Variants in LMBRD1 observed in about 807,000 individuals in gnomAD.
LMBRD1 encodes the protein lysosomal cobalamin transport escort protein LMBD1.
In LMBRD1, 64 loss-of-function variants were observed where a neutral mutation model predicts 74.8. The ratio of observed to expected loss-of-function variants is 0.86; its 90% CI spans 0.70 to 1.05. The LOEUF (loss-of-function observed/expected upper bound fraction) is 1.05. Ranked by LOEUF, LMBRD1 falls within the 50% of genes least tolerant of loss-of-function variation. LMBRD1 has a pLI of 0.00. For missense variants in LMBRD1, 652 were observed against 645.9 expected (o/e 1.01, Z -0.10); for synonymous variants, 204 against 216.3 (o/e 0.94, Z 0.50).
chr6:69,684,465 A>G (rs1765722171), intron 14 of LMBRD1, among the ~76,000 whole-genome samples: 1 of 152,066 alleles, frequency 6.6e-6, no homozygotes, highest in Non-Finnish European at 1.5e-5. Context: ...GTTAAAATGA[A>G]AGTAGGAGAT....
chr6:69,762,115 A>G (rs760138227), intron 3 of LMBRD1, among the ~76,000 whole-genome samples: 2 of 152,226 alleles, frequency 1.3e-5, no homozygotes, highest in Non-Finnish European at 2.9e-5. Flanking sequence ...ATTGCTGAAT[A>G]TATTAATATA....
chr6:69,697,525 C>T, intron 14 of LMBRD1, 38 bp downstream of exon 14: 1 of 1,337,988 alleles, frequency 7.5e-7, no homozygotes, highest in Non-Finnish European at 1.1e-6. Context: ...AAATTCTTTT[C>T]CTAAAAAGTT....
At chr6:69,743,833 A>G (rs1767159918) in intron 5 of LMBRD1, among the ~76,000 whole-genome samples, 1 of 152,210 alleles carries the variant, frequency 6.6e-6, no homozygotes, top group African/African-American at 2.4e-5. Context: ...TCCTCTTTCA[A>G]TGGAGCTGAG....
chr6:69,766,155 TTTA>T (rs1765471312), intron 3 of LMBRD1, among the ~76,000 whole-genome samples: 1 of 151,762 alleles, frequency 6.6e-6, no homozygotes, highest in Non-Finnish European at 1.5e-5. Flanking sequence ...TAATTATTTA[TTTA>T]TTTATTTAGA....
chr6:69,777,630 T>G (rs1302179643), intron 3 of LMBRD1, among the ~76,000 whole-genome samples: 1 of 151,262 alleles, frequency 6.6e-6, no homozygotes, highest in Non-Finnish European at 1.5e-5. Flanking sequence ...GACAAACTGA[T>G]CTTCAACATC....
chr6:69,726,087 C>T (rs141888288), intron 7 of LMBRD1, among the ~76,000 whole-genome samples: 69 of 152,272 alleles, frequency 4.5e-4, no homozygotes, highest in African/African-American at 1.5e-3. Flanking sequence ...TTGGTATAAA[C>T]ATTTCTTAAA....
intron 6 of LMBRD1, among the ~76,000 whole-genome samples, chr6:69,739,350 T>G (rs1767047154): frequency 6.6e-6 from 1 of 152,192 alleles, no homozygotes; most frequent in Non-Finnish European, 1.5e-5. Context: ...AAATGTGTGC[T>G]GAAGATACCT....
chr6:69,760,534 C>T (rs2149882184), intron 3 of LMBRD1, among the ~76,000 whole-genome samples: 1 of 152,240 alleles, frequency 6.6e-6, no homozygotes, highest in East Asian at 1.9e-4. Context: ...GTCTGCTAAG[C>T]ATAAAAGCAT....
chr6:69,796,885 C>T lies in LMBRD1; in HGVS notation c.-4G>A, dbSNP rs996753051. The T allele has an allele frequency of 6.2e-7, 1 of 1,613,670 alleles. No homozygotes were observed. Among genetic ancestry groups the T allele is most frequent in the Non-Finnish European group, 8.5e-7 (1 of 1,179,924 alleles). On this transcript the variant is annotated 5_prime_UTR_variant, in exon 1 of 16. Transcript: ENST00000649934. ...AGGCCGCGCCAGAAGTCGCCATCTT[C>T]GCTTCCGGTCCAGACCAACCTGAGC...
At chr6:69,713,839 C>G (rs1178838577) in intron 8 of LMBRD1, 42 bp from the exon 9 acceptor site, 1 of 1,607,724 alleles carries the variant, frequency 6.2e-7, no homozygotes, top group African/African-American at 1.3e-5. Flanking sequence ...CCATTAACAT[C>G]TTAATAAAGT....
Position 69,691,712 on chromosome 6 carries a change from TA to T in LMBRD1, c.1417+5850del, listed in dbSNP as rs1215972197. ...TAACACGGTGAAACCCTGTCTCTAC[TA>T]AAAATACAAAAAATTAGCTGGGCGT... On this transcript the variant is annotated intron_variant, in intron 14 of 15. Coordinates refer to ENST00000649934, the MANE Select transcript of LMBRD1 (RefSeq NM_018368.4). 1.2e-4 allele frequency among the ~76,000 whole-genome samples: 18 copies of T among 151,820 alleles called. 2 individuals are homozygous for T. Among genetic ancestry groups the T allele is most frequent in the Admixed American group, 6.6e-4 (10 of 15,254 alleles).
At chr6:69,737,887 G>A in intron 7 of LMBRD1, 55 bp downstream of exon 7, 1 of 1,094,350 alleles carries the variant, frequency 9.1e-7, no homozygotes, top group Non-Finnish European at 1.4e-6. Context: ...AATTACTAAG[G>A]TAAAAAAATT....
intron 8 of LMBRD1, 117 bp from the exon 9 acceptor site, chr6:69,713,914 T>C: frequency 9.2e-7 from 1 of 1,088,886 alleles, no homozygotes; most frequent in Non-Finnish European, 1.3e-6. Flanking sequence ...TAGGCAAATT[T>C]ACAAACTAAA....
At chr6:69,768,176 A>G (rs9354888) in intron 3 of LMBRD1, among the ~76,000 whole-genome samples, 51,131 of 151,720 alleles carry the variant, frequency 0.34, 9,676 homozygotes, top group East Asian at 0.54. Flanking sequence ...CTACTTACAC[A>G]TAATATAACA....
chr6:69,728,338 A>G (rs1021350383), intron 7 of LMBRD1, among the ~76,000 whole-genome samples: 3 of 152,220 alleles, frequency 2.0e-5, no homozygotes, highest in African/African-American at 7.2e-5. Context: ...ACAATTCAAC[A>G]TGAGATTTGG....
At chr6:69,763,759 T>C (rs371842068) in intron 3 of LMBRD1, among the ~76,000 whole-genome samples, 9 of 152,192 alleles carry the variant, frequency 5.9e-5, no homozygotes, top group Non-Finnish European at 8.8e-5. Flanking sequence ...CCTGAAGGCA[T>C]AGGGTCAAAC....
At chr6:69,791,176 C>T (rs1228628666) in intron 1 of LMBRD1, among the ~76,000 whole-genome samples, 1 of 152,156 alleles carries the variant, frequency 6.6e-6, no homozygotes, top group African/African-American at 2.4e-5. Context: ...GATTCTCTAA[C>T]GTTAGGAGGC....
intron 5 of LMBRD1, 137 bp downstream of exon 5, chr6:69,749,204 T>C (rs1765061506): frequency 1.4e-6 from 1 of 699,524 alleles, no homozygotes; most frequent in African/African-American, 1.8e-5. Context: ...TATTGTTCCT[T>C]GGAGATTTAG....
intron 3 of LMBRD1, among the ~76,000 whole-genome samples, chr6:69,767,617 T>C (rs1412626334): frequency 6.6e-6 from 1 of 151,942 alleles, no homozygotes; most frequent in Non-Finnish European, 1.5e-5. Context: ...TAACCTATCA[T>C]ATAGTCTATA....
Sources: allele counts gnomAD v4.1 joint callset (sites outside exome capture counted in the v4.1 genomes callset), GRCh38; gene constraint gnomAD v4.1.1; transcripts MANE v1.5; gene names NCBI Gene and HGNC (gene_info 2026-07-23, HGNC 2026-07-21).